The following CNKSR2 variants were observed in gnomAD, a reference collection of about 807,000 sequenced individuals.
The protein encoded by CNKSR2 is CNK homolog protein 2.
CNKSR2 carries 14 observed loss-of-function variants against 84.4 expected under a neutral mutation model. That is an observed-to-expected ratio of 0.17 (90% CI 0.11 to 0.26). The LOEUF (loss-of-function observed/expected upper bound fraction) is 0.26. Ranked by LOEUF, CNKSR2 falls within the 10% of genes least tolerant of loss-of-function variation. The probability of loss-of-function intolerance (pLI) is 1.00; values close to 1 mark genes in which losing one functional copy is unlikely to be tolerated. For missense variants in CNKSR2, 485 were observed against 771.2 expected (o/e 0.63, Z 4.40); for synonymous variants, 275 against 277.9 (o/e 0.99, Z 0.10).
chrX:21,553,250 A>G (rs192290808), intron 11 of CNKSR2, among the ~76,000 whole-genome samples: 1 of 111,583 alleles, frequency 9.0e-6, no homozygotes, highest in East Asian at 2.8e-4. Flanking sequence ...ATGATACATC[A>G]CTGAGGCAAT....
At chrX:21,576,336 G>T (rs1479131044) in intron 13 of CNKSR2, among the ~76,000 whole-genome samples, 2 of 111,786 alleles carry the variant, frequency 1.8e-5, no homozygotes, top group African/African-American at 6.5e-5. Flanking sequence ...TAGGTTAAAA[G>T]GAAGTATAAA....
At chrX:21,633,315 A>G in intron 20 of CNKSR2, among the ~76,000 whole-genome samples, 1 of 111,716 alleles carries the variant, frequency 9.0e-6, no homozygotes, top group Non-Finnish European at 1.9e-5. Flanking sequence ...TAAAATACAT[A>G]TACTAAATAG....
chrX:21,390,307 C>G (rs1487578122), intron 1 of CNKSR2, among the ~76,000 whole-genome samples: 1 of 111,366 alleles, frequency 9.0e-6, no homozygotes, highest in Non-Finnish European at 1.9e-5. Context: ...TTAGTCTGTT[C>G]TTGCATTACT....
At chrX:21,430,639 A>G (rs143689014) in intron 2 of CNKSR2, among the ~76,000 whole-genome samples, 142 of 112,266 alleles carry the variant, frequency 1.3e-3, no homozygotes, top group African/African-American at 4.3e-3. Context: ...AAAATGCTTT[A>G]ACACAGGGAA....
At chrX:21,548,935 GC>G (rs1239708471) in intron 11 of CNKSR2, among the ~76,000 whole-genome samples, 1 of 112,056 alleles carries the variant, frequency 8.9e-6, no homozygotes, top group East Asian at 2.8e-4. Context: ...AATAATAAGA[GC>G]TATTTATGAC....
chrX:21,566,666 T>A (rs761019714), intron 13 of CNKSR2, among the ~76,000 whole-genome samples: 1 of 111,794 alleles, frequency 8.9e-6, no homozygotes, highest in Non-Finnish European at 1.9e-5. Context: ...TAGAGAAAAT[T>A]TAGTATGAAT....
chrX:21,449,695 C>A (rs1443386681), intron 4 of CNKSR2, among the ~76,000 whole-genome samples: 1 of 111,623 alleles, frequency 9.0e-6, no homozygotes, highest in Non-Finnish European at 1.9e-5. Flanking sequence ...ATGTCCTATT[C>A]ACTTCAAAGC....
chrX:21,572,485 T>C (rs1178960182), intron 13 of CNKSR2, among the ~76,000 whole-genome samples: 1 of 112,020 alleles, frequency 8.9e-6, no homozygotes, highest in Non-Finnish European at 1.9e-5. Context: ...AAGGACATAC[T>C]CAAGACTGGG....
chrX:21,551,277 A>T (rs2092088637), intron 11 of CNKSR2, among the ~76,000 whole-genome samples: 1 of 111,716 alleles, frequency 9.0e-6, no homozygotes, highest in South Asian at 3.8e-4. Flanking sequence ...TGATGGGTTG[A>T]TGGGTGCAGC....
At chrX:21,602,722 C>T (rs2092490636) in intron 18 of CNKSR2, among the ~76,000 whole-genome samples, 1 of 110,647 alleles carries the variant, frequency 9.0e-6, no homozygotes, top group African/African-American at 3.3e-5. Context: ...CAGTTCTCTG[C>T]AGAGACTATA....
intron 20 of CNKSR2, among the ~76,000 whole-genome samples, chrX:21,635,907 G>A (rs187550905): frequency 7.7e-4 from 85 of 111,011 alleles, no homozygotes; most frequent in Middle Eastern, 4.7e-3. Context: ...AATAGCGTGG[G>A]TCATAGATGT....
At chrX:21,377,320 A>C (rs924101184) in intron 1 of CNKSR2, among the ~76,000 whole-genome samples, 6 of 112,396 alleles carry the variant, frequency 5.3e-5, no homozygotes, top group Non-Finnish European at 7.5e-5. Context: ...TGTAACTTAC[A>C]CTGTTACCTT....
intron 4 of CNKSR2, among the ~76,000 whole-genome samples, chrX:21,459,044 C>T (rs1367464668): frequency 7.0e-5 from 5 of 71,828 alleles, no homozygotes; most frequent in South Asian, 7.9e-4. Flanking sequence ...TTTTTTGAGA[C>T]GGAATTTTGC....
chrX:21,399,951 A>G (rs201642641), intron 1 of CNKSR2, among the ~76,000 whole-genome samples: 1 of 111,336 alleles, frequency 9.0e-6, no homozygotes, highest in East Asian at 2.8e-4. Flanking sequence ...GGTTTAAATG[A>G]CGTAGTCTAT....
chrX:21,593,915 A>G (rs1284186690), intron 15 of CNKSR2: 1 of 111,844 alleles, frequency 8.9e-6, no homozygotes, highest in Non-Finnish European at 1.9e-5. Context: ...GCAGTGTGGC[A>G]GTACCTCAAA....
rs751640983 is a variant in CNKSR2 at position 21,462,789 on chromosome X, C to G, written c.520-7977C>G. ...AGTACGGTGACGTGATCTCAGCTCA[C>G]TGCAACCTCTGCCTCCTGGGTTCAA... On this transcript the variant is annotated intron_variant, in intron 4 of 21. Coordinates refer to ENST00000379510, the MANE Select transcript of CNKSR2 (RefSeq NM_014927.5). 3.8e-5 allele frequency among the ~76,000 whole-genome samples: 4 copies of G among 105,829 alleles called. No individual in the cohort carries two copies. In the Admixed American group the frequency reaches 4.1e-4, roughly 11 times the overall value. The allele number at this position is 105,829 out of a possible 115,157, so 91.9% of individuals were successfully genotyped here. A position where few individuals can be genotyped will look rare whatever the true frequency, so the allele number is the denominator to read the frequency against.
intron 20 of CNKSR2, among the ~76,000 whole-genome samples, chrX:21,633,237 T>C (rs1159460374): frequency 9.0e-6 from 1 of 111,558 alleles, no homozygotes; most frequent in East Asian, 2.8e-4. Flanking sequence ...CAAAGTGACT[T>C]AGGATGGCAT....
intron 8 of CNKSR2, among the ~76,000 whole-genome samples, chrX:21,511,992 G>C (rs1416110936): frequency 1.8e-5 from 2 of 111,620 alleles, no homozygotes; most frequent in Non-Finnish European, 3.8e-5. Context: ...GTTGCACTCT[G>C]TATTCACCCT....
At chrX:21,616,554 C>T (rs1244339279) in intron 20 of CNKSR2, among the ~76,000 whole-genome samples, 3 of 111,784 alleles carry the variant, frequency 2.7e-5, no homozygotes, top group Non-Finnish European at 5.6e-5. Flanking sequence ...TGCTGGAGAC[C>T]ACAAAGCTGG....
Sources: gnomAD v4.1 joint callset for allele counts (sites outside exome capture counted in the v4.1 genomes callset) on GRCh38, gnomAD v4.1.1 for gene constraint, MANE v1.5 for transcripts, NCBI Gene and HGNC (gene_info 2026-07-23, HGNC 2026-07-21) for gene names.